The following SUGCT variants were observed in gnomAD, a reference collection of about 807,000 sequenced individuals.
The protein encoded by SUGCT is succinyl-CoA:glutarate CoA-transferase.
A neutral mutation model predicts 55.0 loss-of-function variants in SUGCT; 41 were observed. The ratio of observed to expected loss-of-function variants is 0.74; its 90% CI spans 0.58 to 0.97. The LOEUF is 0.97. Ranked by LOEUF, SUGCT falls within the 50% of genes least tolerant of loss-of-function variation. The pLI is 0.00. For synonymous variants in SUGCT, 187 were observed against 200.4 expected, an observed-to-expected ratio of 0.93 and a Z score of 0.56; for missense variants, 568 against 547.8, an observed-to-expected ratio of 1.04 and a Z score of -0.37.
chr7:40,394,308 G>GT (rs893435950), intron 9 of SUGCT, among the ~76,000 whole-genome samples: 2 of 152,176 alleles, frequency 1.3e-5, no homozygotes, highest in Admixed American at 6.5e-5. Context: ...TAGCAAATGG[G>GT]TTTTTTTAAT....
chr7:40,369,146 T>G (rs1177247464), intron 9 of SUGCT, among the ~76,000 whole-genome samples: 1 of 151,652 alleles, frequency 6.6e-6, no homozygotes, highest in Non-Finnish European at 1.5e-5. Context: ...GGATTGAGTG[T>G]TTTTTTAATT....
rs992313383 is a variant in SUGCT, at chr7:40,618,506, T to G, written c.1089+122120T>G. Reference sequence around the variant, plus strand: ...TTTGTTTTCATGACCAAACTGGAACTTGAAAGGAGATATTCAGGCTAGTAG... The same window carrying G: ...TTTGTTTTCATGACCAAACTGGAACGTGAAAGGAGATATTCAGGCTAGTAG... On this transcript the variant is annotated intron_variant, in intron 12 of 13. Coordinates refer to ENST00000335693, the MANE Select transcript of SUGCT (RefSeq NM_001193313.2). 2.6e-5 allele frequency among the ~76,000 whole-genome samples: 4 copies of G among 152,338 alleles called. No individual in the cohort carries two copies. The South Asian group carries it at 8.3e-4, about 32-fold the overall frequency.
chr7:40,684,425 C>T (rs1784382194), intron 12 of SUGCT, among the ~76,000 whole-genome samples: 1 of 152,092 alleles, frequency 6.6e-6, no homozygotes, highest in African/African-American at 2.4e-5. Flanking sequence ...TTTTTTAAAA[C>T]ATTTTAATCA....
intron 13 of SUGCT, among the ~76,000 whole-genome samples, chr7:40,857,419 T>C (rs1240003877): frequency 6.6e-6 from 1 of 152,338 alleles, no homozygotes; most frequent in African/African-American, 2.4e-5. Context: ...AGTCTATGTC[T>C]TCATCCTAGC....
the SUGCT span, among the ~76,000 whole-genome samples, chr7:41,017,417 C>CCTT: frequency 6.6e-6 from 1 of 152,196 alleles, no homozygotes; most frequent in Non-Finnish European, 1.5e-5. Context: ...TTGTCAGTCC[C>CCTT]CTTCTTCACA....
At chr7:40,373,548 A>T (rs960040165) in intron 9 of SUGCT, among the ~76,000 whole-genome samples, 2 of 151,980 alleles carry the variant, frequency 1.3e-5, no homozygotes, top group African/African-American at 4.8e-5. Flanking sequence ...ACTCCTGAAG[A>T]AGGAATATAG....
intron 12 of SUGCT, among the ~76,000 whole-genome samples, chr7:40,715,047 A>G (rs1399159641): frequency 2.6e-5 from 4 of 152,142 alleles, no homozygotes; most frequent in Non-Finnish European, 4.4e-5. Flanking sequence ...TCCACTTGCC[A>G]GGAGTTAAGG....
chr7:40,589,255 T>A (rs1448034659), intron 12 of SUGCT, among the ~76,000 whole-genome samples: 1 of 152,166 alleles, frequency 6.6e-6, no homozygotes, highest in African/African-American at 2.4e-5. Flanking sequence ...CTTTAAAATA[T>A]TATCTTTATC....
intron 13 of SUGCT, among the ~76,000 whole-genome samples, chr7:40,803,018 C>G (rs1241711739): frequency 6.6e-6 from 1 of 152,102 alleles, no homozygotes; most frequent in African/African-American, 2.4e-5. Context: ...AGGAAATTAG[C>G]AATCGGTTGC....
chr7:40,786,868 G>A (rs950418347), intron 13 of SUGCT, among the ~76,000 whole-genome samples: 2 of 152,130 alleles, frequency 1.3e-5, no homozygotes, highest in African/African-American at 2.4e-5. Context: ...ATGCAGGACA[G>A]CAGTTATTTA....
At chr7:40,350,254 G>A (rs1026908970) in intron 9 of SUGCT, among the ~76,000 whole-genome samples, 2 of 150,302 alleles carry the variant, frequency 1.3e-5, no homozygotes, top group Non-Finnish European at 1.5e-5. Context: ...TGTTTTGTAA[G>A]TGAATCATAC....
the SUGCT span, among the ~76,000 whole-genome samples, chr7:40,938,354 ATCATTTTAATTCCCT>A: frequency 1.3e-5 from 2 of 149,476 alleles, no homozygotes; most frequent in Non-Finnish European, 3.0e-5. Flanking sequence ...TTTCTAGTAT[ATCATTTTAATTCCCT>A]TATTTGTTTT....
intron 11 of SUGCT, among the ~76,000 whole-genome samples, chr7:40,484,852 C>T (rs1330920109): frequency 6.6e-6 from 1 of 152,076 alleles, no homozygotes; most frequent in Non-Finnish European, 1.5e-5. Context: ...CTTTCATGAA[C>T]TTCACCACCA....
intron 12 of SUGCT, among the ~76,000 whole-genome samples, chr7:40,553,910 A>G (rs1373716490): frequency 6.6e-6 from 1 of 152,234 alleles, no homozygotes; most frequent in African/African-American, 2.4e-5. Context: ...CCTGGCACCT[A>G]ACTTCTTCGT....
At chr7:40,959,058 C>T in the SUGCT span, among the ~76,000 whole-genome samples, 1 of 152,144 alleles carries the variant, frequency 6.6e-6, no homozygotes, top group Non-Finnish European at 1.5e-5. Flanking sequence ...CAGAGGGGCA[C>T]CCACCAGATG....
At chr7:40,898,048 G>T in the SUGCT span, among the ~76,000 whole-genome samples, 5 of 152,114 alleles carry the variant, frequency 3.3e-5, no homozygotes, top group Non-Finnish European at 5.9e-5. Flanking sequence ...GATAAATCTT[G>T]ATGCTGCTTA....
rs189224251 is a variant in SUGCT, at chr7:40,407,281, G to A, written c.817-42006G>A. On this transcript the variant is annotated intron_variant, in intron 9 of 13. Transcript: ENST00000335693. ...GAATAGAAATATAATAAATGTAGCTGTGTGATATTCCAAAAGCTGGATGAA... is the reference window on the plus strand; with the variant it reads ...GAATAGAAATATAATAAATGTAGCTATGTGATATTCCAAAAGCTGGATGAA... Among the ~76,000 whole-genome samples the A allele has an allele frequency of 7.9e-5, 12 of 152,058 alleles. 1 individual carries two copies. The highest frequency in any genetic ancestry group is 1.7e-4 in the African/African-American group (7 of 41,510).
intron 12 of SUGCT, among the ~76,000 whole-genome samples, chr7:40,574,340 T>G (rs1266525462): frequency 6.6e-6 from 1 of 152,206 alleles, no homozygotes; most frequent in Non-Finnish European, 1.5e-5. Flanking sequence ...CTACATAACT[T>G]AAGACTGTTT....
intron 13 of SUGCT, among the ~76,000 whole-genome samples, chr7:40,835,162 A>G (rs961761677): frequency 5.3e-5 from 8 of 152,246 alleles, no homozygotes; most frequent in African/African-American, 1.9e-4. Context: ...GTTTAATTCA[A>G]ACACCCACAT....
Sources: allele counts gnomAD v4.1 joint callset (sites outside exome capture counted in the v4.1 genomes callset), GRCh38; gene constraint gnomAD v4.1.1; transcripts MANE v1.5; gene names NCBI Gene and HGNC (gene_info 2026-07-23, HGNC 2026-07-21).